The following ZFAND4 variants were observed in gnomAD, a reference collection of about 807,000 sequenced individuals.
The protein encoded by ZFAND4 is zinc finger AN1-type containing 4, also known as AN1-type zinc finger protein 4.
In ZFAND4, 43 loss-of-function variants were observed where a neutral mutation model predicts 64.4. The observed-to-expected ratio is 0.67, with a 90% CI of 0.52 to 0.86. ZFAND4 has a LOEUF of 0.86. ZFAND4 is among the 40% of genes least tolerant of loss of function. The pLI, the probability that ZFAND4 is intolerant of heterozygous loss-of-function variation, is 0.00. For synonymous variants in ZFAND4, 296 were observed against 305.7 expected, an observed-to-expected ratio of 0.97 and a Z score of 0.33; for missense variants, 929 against 859.8, an observed-to-expected ratio of 1.08 and a Z score of -1.01.
intron 2 of ZFAND4, among the ~76,000 whole-genome samples, chr10:45,658,503 G>A (rs1293868241): frequency 6.6e-6 from 1 of 152,160 alleles, no homozygotes; most frequent in Non-Finnish European, 1.5e-5. Flanking sequence ...TACAATATGT[G>A]AATTGTATGA....
Position 45,663,575 on chromosome 10 carries a change from T to C in ZFAND4, c.151A>G (p.Ile51Val), listed in dbSNP as rs201469211. 29 of 1,603,600 alleles carry C rather than the reference T, an allele frequency of 1.8e-5. No homozygotes were observed. The East Asian group carries it at 5.8e-4, about 32-fold the overall frequency. Reference protein sequence around the residue: ...ELRVSPFETVISVKAKIRRLE... With the variant: ...ELRVSPFETVVSVKAKIRRLE... ...CTTCGAATTTTTGCTTTCACAGAAATAACAGTTTCAAAAGGTGAAACTCTC... is the reference window on the plus strand; with the variant it reads ...CTTCGAATTTTTGCTTTCACAGAAACAACAGTTTCAAAAGGTGAAACTCTC... The change falls in exon 2 of 10, where the codon ATT (isoleucine) becomes GTT (valine). Residue 51 changes from isoleucine to valine, a missense_variant. Coordinates refer to ENST00000344646, the MANE Select transcript of ZFAND4 (RefSeq NM_174890.4).
At chr10:45,621,277 C>A (rs2045401674) in intron 8 of ZFAND4, among the ~76,000 whole-genome samples, 1 of 151,988 alleles carries the variant, frequency 6.6e-6, no homozygotes, top group South Asian at 2.1e-4. Flanking sequence ...ATAGACTCTT[C>A]TAGATAATTC....
At chr10:45,637,069 G>A (rs1005346201) in intron 6 of ZFAND4, among the ~76,000 whole-genome samples, 9 of 151,572 alleles carry the variant, frequency 5.9e-5, no homozygotes, top group Non-Finnish European at 1.2e-4. Context: ...AGCTGGGCGC[G>A]GTGGCTCGCT....
At chr10:45,654,912 T>TTC (rs1219403093) in intron 2 of ZFAND4, among the ~76,000 whole-genome samples, 2 of 152,204 alleles carry the variant, frequency 1.3e-5, no homozygotes, top group East Asian at 3.9e-4. Flanking sequence ...GTGGGGGACT[T>TTC]TAACACTCCA....
At chr10:45,657,500 A>G (rs1008838736) in intron 2 of ZFAND4, among the ~76,000 whole-genome samples, 4 of 152,232 alleles carry the variant, frequency 2.6e-5, no homozygotes, top group African/African-American at 9.6e-5. Context: ...CAAACACAAA[A>G]TGGTAACAAC....
rs967776689 is a variant in ZFAND4, at chr10:45,626,724, T to C, written c.1099A>G (p.Thr367Ala). The C allele has an allele frequency of 1.9e-6, 3 of 1,614,220 alleles. No homozygotes were observed. Among genetic ancestry groups the C allele is most frequent in the African/African-American group, 1.3e-5 (1 of 75,056 alleles). ...LHLGSSLPRQ[T>A]KHFLGNLPSS... The stretch of plus-strand genomic sequence containing the variant: ...GGCAAGTTTCCTAAAAAATGTTTTG[T>C]TTGCCTAGGCAGGGATGATCCAAGA... The change falls in exon 7 of 10, where the codon ACA becomes GCA. Residue 367 changes from threonine (T) to alanine (A), a missense_variant. Transcript: ENST00000344646.
chr10:45,631,134 C>T (rs981414855), intron 6 of ZFAND4, among the ~76,000 whole-genome samples: 7 of 151,722 alleles, frequency 4.6e-5, no homozygotes, highest in African/African-American at 1.5e-4. Flanking sequence ...CTGGCTAACA[C>T]GGTGAAACCC....
At chr10:45,621,366 AT>A (rs1379645508) in intron 8 of ZFAND4, among the ~76,000 whole-genome samples, 2 of 151,866 alleles carry the variant, frequency 1.3e-5, no homozygotes, top group Non-Finnish European at 2.9e-5. Context: ...GATACTTCAA[AT>A]CTAAATGAAA....
At chr10:45,647,943 C>G (rs1427844605) in intron 5 of ZFAND4, among the ~76,000 whole-genome samples, 2 of 151,922 alleles carry the variant, frequency 1.3e-5, no homozygotes, top group Non-Finnish European at 1.5e-5. Flanking sequence ...GAAAACAAGA[C>G]CAGAGAAGTA....
At chr10:45,619,968 T>G (rs540144848) in intron 8 of ZFAND4, among the ~76,000 whole-genome samples, 1 of 152,316 alleles carries the variant, frequency 6.6e-6, no homozygotes, top group South Asian at 2.1e-4. Context: ...GATATTTACT[T>G]GCACTTGCAC....
intron 2 of ZFAND4, among the ~76,000 whole-genome samples, chr10:45,657,995 T>A (rs954000993): frequency 1.3e-5 from 2 of 152,168 alleles, no homozygotes; most frequent in Admixed American, 1.3e-4. Context: ...CTGTTCTATA[T>A]CTTGATTGTG....
chr10:45,663,481 C>G (rs1405014232), intron 2 of ZFAND4, 61 bp downstream of exon 2: 1 of 1,311,910 alleles, frequency 7.6e-7, no homozygotes, highest in Admixed American at 2.5e-5. Context: ...TTAAAAACTA[C>G]TAGACATTAT....
intron 2 of ZFAND4, among the ~76,000 whole-genome samples, chr10:45,658,601 G>T (rs556715593): frequency 6.6e-6 from 1 of 152,238 alleles, no homozygotes; most frequent in Non-Finnish European, 1.5e-5. Context: ...AGCAAATTAA[G>T]AATGTGTATA....
chr10:45,648,320 T>C lies in ZFAND4; in HGVS notation c.543A>G (p.Leu181=), dbSNP rs370757105. 204 of 1,612,956 alleles carry C rather than the reference T, an allele frequency of 1.3e-4. No individual in the cohort carries two copies. Among genetic ancestry groups the C allele is most frequent in the Middle Eastern group, 1.6e-4 (1 of 6,080 alleles). The part of the protein sequence containing the change: ...SKKIDFHLHV[L]RRKGEHRMSG... ...TCATACGATGTTCTCCTTTTCTCCG[T>C]AGGACATGCAAATGAAAATCTATTT... Residue 181 remains leucine, a synonymous_variant, in exon 5 of 10, where the codon CTA becomes CTG. Transcript: ENST00000344646.
chr10:45,616,820 G>T (rs1248820170), intron 9 of ZFAND4, among the ~76,000 whole-genome samples: 1 of 152,126 alleles, frequency 6.6e-6, no homozygotes, highest in Non-Finnish European at 1.5e-5. Flanking sequence ...GTAGACCAGG[G>T]GCGGTGGCTC....
At chr10:45,625,114 C>A (rs970367789) in intron 7 of ZFAND4, among the ~76,000 whole-genome samples, 1 of 147,532 alleles carries the variant, frequency 6.8e-6, no homozygotes, top group Non-Finnish European at 1.5e-5. Context: ...GAGGTCAAGG[C>A]TGCAGTGAAC....
chr10:45,657,901 C>T (rs2048236580), intron 2 of ZFAND4, among the ~76,000 whole-genome samples: 1 of 152,012 alleles, frequency 6.6e-6, no homozygotes, highest in East Asian at 1.9e-4. Context: ...GGAACAGAAA[C>T]AGATCAGTGG....
chr10:45,659,986 A>G (rs113508539), intron 2 of ZFAND4, among the ~76,000 whole-genome samples: 2 of 151,836 alleles, frequency 1.3e-5, no homozygotes, highest in Non-Finnish European at 2.9e-5. Context: ...GACCATCCTG[A>G]CTAACACGGT....
At position 45,634,989 on chromosome 10, in the gene ZFAND4, G is replaced by A. The variant is rs577844555; in HGVS notation, c.717+4827C>T. Among the ~76,000 whole-genome samples, 55 of 151,458 alleles carry A rather than the reference G, an allele frequency of 3.6e-4. 2 individuals carry two copies. The Middle Eastern group carries it at 0.01, about 28-fold the overall frequency. On this transcript the variant is annotated intron_variant, in intron 6 of 9. Coordinates refer to ENST00000344646, the MANE Select transcript of ZFAND4 (RefSeq NM_174890.4). ...TCTATAATGAAAGCTATAAAACATT[G>A]GACGACACAAAAATATGAAAAAATA... is the stretch of plus-strand genomic sequence containing the variant.
Sources: allele counts gnomAD v4.1 joint callset (sites outside exome capture counted in the v4.1 genomes callset), GRCh38; gene constraint gnomAD v4.1.1; transcripts MANE v1.5; gene names NCBI Gene and HGNC (gene_info 2026-07-23, HGNC 2026-07-21).